The following KCNIP1 variants were observed in gnomAD, a reference collection of about 807,000 sequenced individuals.
The protein encoded by KCNIP1 is A-type potassium channel modulatory protein KCNIP1.
In KCNIP1, 18 loss-of-function variants were observed where a neutral mutation model predicts 33.0. The observed-to-expected ratio is 0.55, with a 90% CI of 0.38 to 0.81. The LOEUF is 0.81. KCNIP1 is among the 30% of genes least tolerant of loss of function. KCNIP1 has a pLI of 0.00. For synonymous variants in KCNIP1, 93 were observed against 98.3 expected, an observed-to-expected ratio of 0.95 and a Z score of 0.32; for missense variants, 238 against 271.6, an observed-to-expected ratio of 0.88 and a Z score of 0.87.
At chr5:170,503,741 CACACACACACACACACACACACAT>C (rs1754558288), upstream of KCNIP1, among the ~76,000 whole-genome samples, 6 of 150,704 alleles carry the variant, frequency 4.0e-5, no homozygotes, top group African/African-American at 1.5e-4. Context: ...CACACACACA[CACACACACACACACACACACACAT>C]ACACACACAC....
chr5:170,386,276 C>T (rs1764469398), intron 1 of KCNIP1, among the ~76,000 whole-genome samples: 1 of 152,080 alleles, frequency 6.6e-6, no homozygotes, highest in African/African-American at 2.4e-5. Flanking sequence ...GGTGATATGA[C>T]CAGGGAGACA....
At chr5:170,554,875 A>G (rs1429775456) in intron 1 of KCNIP1, among the ~76,000 whole-genome samples, 4 of 151,890 alleles carry the variant, frequency 2.6e-5, no homozygotes, top group Non-Finnish European at 5.9e-5. Context: ...GGGGGGATAC[A>G]CTCATCCTGG....
intron 1 of KCNIP1, among the ~76,000 whole-genome samples, chr5:170,391,210 GC>G (rs1754581355): frequency 6.6e-6 from 1 of 152,142 alleles, no homozygotes; most frequent in Non-Finnish European, 1.5e-5. Context: ...GAAATGCCAG[GC>G]CCCCCTCCTG....
intron 1 of KCNIP1, among the ~76,000 whole-genome samples, chr5:170,517,008 C>T (rs1278432319): frequency 3.3e-5 from 5 of 151,666 alleles, no homozygotes; most frequent in South Asian, 2.1e-4. Flanking sequence ...TGGTGTTATT[C>T]GTGGTGGTAA....
chr5:170,380,361 A>G (rs1472520109), intron 1 of KCNIP1, among the ~76,000 whole-genome samples: 1 of 152,218 alleles, frequency 6.6e-6, no homozygotes, highest in African/African-American at 2.4e-5. Context: ...TCCTTCATGC[A>G]CTTAATTTTG....
At chr5:170,716,081 A>G (rs11134645) in intron 1 of KCNIP1, among the ~76,000 whole-genome samples, 3,777 of 152,328 alleles carry the variant, frequency 0.025, 66 homozygotes, top group Non-Finnish European at 0.032. Context: ...CCAGCACCAC[A>G]AGGCATACAA....
chr5:170,659,157 A>G (rs560051502), intron 1 of KCNIP1, among the ~76,000 whole-genome samples: 3 of 147,452 alleles, frequency 2.0e-5, no homozygotes, highest in Admixed American at 6.7e-5. Context: ...TTCTCTGATC[A>G]CTTTTTTTTT....
At chr5:170,471,464 C>T (rs1220859020) in intron 1 of KCNIP1, among the ~76,000 whole-genome samples, 4 of 152,140 alleles carry the variant, frequency 2.6e-5, no homozygotes, top group Non-Finnish European at 4.4e-5. Flanking sequence ...CCTTCAAGGG[C>T]GAGGGTAGTT....
intron 1 of KCNIP1, among the ~76,000 whole-genome samples, chr5:170,411,800 T>C (rs1333345167): frequency 6.6e-6 from 1 of 152,068 alleles, no homozygotes; most frequent in Non-Finnish European, 1.5e-5. Flanking sequence ...TAGAAGATAA[T>C]AAGTAACAGT....
intron 1 of KCNIP1, among the ~76,000 whole-genome samples, chr5:170,599,358 C>T (rs147480115): frequency 6.6e-6 from 1 of 152,134 alleles, no homozygotes; most frequent in Admixed American, 6.5e-5. Context: ...TAAGAAGACT[C>T]CTCACTCCCC....
chr5:170,678,418 T>G (rs1188084846), intron 1 of KCNIP1: 3 of 152,208 alleles, frequency 2.0e-5, no homozygotes, highest in African/African-American at 4.8e-5. Flanking sequence ...TGAGACACAG[T>G]TGCTCCTAAA....
intron 1 of KCNIP1, among the ~76,000 whole-genome samples, chr5:170,415,260 C>T (rs1184816058): frequency 3.9e-5 from 6 of 152,056 alleles, no homozygotes; most frequent in African/African-American, 1.5e-4. Flanking sequence ...TTGTGTTTGC[C>T]GTCTGCCTGT....
intron 1 of KCNIP1, among the ~76,000 whole-genome samples, chr5:170,468,800 C>T (rs1422476513): frequency 6.6e-6 from 1 of 152,006 alleles, no homozygotes; most frequent in Admixed American, 6.6e-5. Context: ...TCACCTGAGC[C>T]CAGGAGGTGG....
intron 1 of KCNIP1, chr5:170,377,483 G>C (rs1034665625): frequency 1.3e-5 from 2 of 152,182 alleles, no homozygotes; most frequent in African/African-American, 4.8e-5. Context: ...TTCCCCAGCA[G>C]GCTCAGTGCC....
At chr5:170,637,565 C>T (rs1186740358) in intron 1 of KCNIP1, among the ~76,000 whole-genome samples, 1 of 152,170 alleles carries the variant, frequency 6.6e-6, no homozygotes, top group Non-Finnish European at 1.5e-5. Context: ...GGCTCCATCC[C>T]ATAAACGTGG....
chr5:170,706,934 G>A (rs531894079), intron 1 of KCNIP1, among the ~76,000 whole-genome samples: 2 of 152,156 alleles, frequency 1.3e-5, no homozygotes, highest in Admixed American at 6.5e-5. Context: ...TTCAACACAG[G>A]TCATCAATTG....
chr5:170,720,073 A>G (rs1019432267), intron 2 of KCNIP1, among the ~76,000 whole-genome samples: 3 of 152,186 alleles, frequency 2.0e-5, no homozygotes, highest in African/African-American at 7.2e-5. Context: ...CTGAGCCAGG[A>G]TTTAAACCCA....
At chr5:170,693,244 GC>G (rs1417647881) in intron 1 of KCNIP1, among the ~76,000 whole-genome samples, 3 of 61,108 alleles carry the variant, frequency 4.9e-5, no homozygotes, top group African/African-American at 7.3e-5. Flanking sequence ...GGACGGGCCA[GC>G]CCCCATCCCC....
chr5:170,602,489 T>C (rs944507337), intron 1 of KCNIP1, among the ~76,000 whole-genome samples: 15 of 152,184 alleles, frequency 9.9e-5, no homozygotes, highest in African/African-American at 3.4e-4. Flanking sequence ...GGAAGGAAAT[T>C]TGGAAGTGAG....
Sources: allele counts gnomAD v4.1 joint callset (sites outside exome capture counted in the v4.1 genomes callset), GRCh38; gene constraint gnomAD v4.1.1; transcripts MANE v1.5; gene names NCBI Gene and HGNC (gene_info 2026-07-23, HGNC 2026-07-21).